The following PCDH15 variants were observed in gnomAD, a reference collection of about 807,000 sequenced individuals.
PCDH15 encodes the protein protocadherin related 15.
A neutral mutation model predicts 178.5 loss-of-function variants in PCDH15; 129 were observed. The ratio of observed to expected loss-of-function variants is 0.72; its 90% CI spans 0.63 to 0.84. The LOEUF is 0.84. Ranked by LOEUF, PCDH15 falls within the 40% of genes least tolerant of loss-of-function variation. The pLI is 0.00. For missense variants in PCDH15, 2,230 were observed against 2,099.9 expected (o/e 1.06, Z -1.21); for synonymous variants, 800 against 732.0 (o/e 1.09, Z -1.50).
intron 26 of PCDH15, among the ~76,000 whole-genome samples, chr10:53,867,243 G>C (rs974621180): frequency 6.6e-6 from 1 of 151,846 alleles, no homozygotes; most frequent in Non-Finnish European, 1.5e-5. Flanking sequence ...ACATGTATGT[G>C]GCATTTAACT....
intron 1 of PCDH15, among the ~76,000 whole-genome samples, chr10:54,764,021 TC>T (rs1452400255): frequency 1.3e-5 from 2 of 151,878 alleles, no homozygotes; most frequent in African/African-American, 4.8e-5. Flanking sequence ...AAGAAAAAGA[TC>T]TTTTACCATG....
chr10:53,823,007 C>T lies in PCDH15; in HGVS notation c.4368-2777G>A, dbSNP rs529962978. ...TGGGTAAGCTGACTGACTGACTCCA[C>T]AGCCTCTGAATCTTTTCTCTTGGGC... On this transcript the variant is annotated intron_variant, in intron 32 of 37. Transcript: ENST00000644397. 1.7e-4 allele frequency: 273 copies of T among 1,614,050 alleles called. 4 individuals are homozygous for T. In the South Asian group the frequency reaches 2.9e-3, roughly 17 times the overall value.
chr10:53,998,921 G>A (rs952775909), intron 20 of PCDH15, among the ~76,000 whole-genome samples: 2 of 151,672 alleles, frequency 1.3e-5, no homozygotes, highest in African/African-American at 2.4e-5. Context: ...GCATGGTGGC[G>A]GGCACCTGTA....
At chr10:55,590,389 C>T (rs1842821337) in intron 2 of PCDH15, among the ~76,000 whole-genome samples, 1 of 151,278 alleles carries the variant, frequency 6.6e-6, no homozygotes, top group African/African-American at 2.4e-5. Flanking sequence ...GTGCAGCACA[C>T]CAGCATGGCA....
chr10:54,565,646 C>T (rs1170336288), intron 2 of PCDH15, among the ~76,000 whole-genome samples: 2 of 152,086 alleles, frequency 1.3e-5, no homozygotes, highest in Non-Finnish European at 2.9e-5. Context: ...ATATTTTATT[C>T]CTTGTTTGGG....
chr10:53,969,274 T>G (rs2089403581), intron 21 of PCDH15, among the ~76,000 whole-genome samples: 1 of 152,026 alleles, frequency 6.6e-6, no homozygotes, highest in African/African-American at 2.4e-5. Context: ...GAAGATCAAA[T>G]GAATGAAATG....
At chr10:54,580,314 G>A (rs2090919752) in intron 2 of PCDH15, among the ~76,000 whole-genome samples, 1 of 151,962 alleles carries the variant, frequency 6.6e-6, no homozygotes, top group Non-Finnish European at 1.5e-5. Context: ...AAACCGAAAA[G>A]ATCCTGAGAA....
intron 3 of PCDH15, among the ~76,000 whole-genome samples, chr10:54,846,042 A>G (rs1363166656): frequency 1.3e-5 from 2 of 152,138 alleles, no homozygotes; most frequent in East Asian, 3.8e-4. Flanking sequence ...TTCTTATACT[A>G]ATTACTTACC....
At chr10:54,815,806 C>G (rs1212047245) in intron 3 of PCDH15, among the ~76,000 whole-genome samples, 1 of 152,068 alleles carries the variant, frequency 6.6e-6, no homozygotes, top group Non-Finnish European at 1.5e-5. Context: ...ATTCATCTTG[C>G]AAACAGATGA....
chr10:54,863,774 G>A (rs920110166), intron 3 of PCDH15, among the ~76,000 whole-genome samples: 40 of 152,130 alleles, frequency 2.6e-4, no homozygotes, highest in African/African-American at 7.2e-4. Flanking sequence ...GGTTAAAGTT[G>A]ATATTAAACC....
At chr10:53,815,681 T>A (rs931157569) in intron 35 of PCDH15, among the ~76,000 whole-genome samples, 44 of 152,024 alleles carry the variant, frequency 2.9e-4, no homozygotes, top group Middle Eastern at 3.4e-3. Flanking sequence ...AAGTAGGATG[T>A]CTGTGTTTTT....
intron 9 of PCDH15, among the ~76,000 whole-genome samples, chr10:54,227,729 C>A (rs2053607530): frequency 6.6e-6 from 1 of 152,142 alleles, no homozygotes; most frequent in Admixed American, 6.5e-5. Flanking sequence ...AACTGAATGC[C>A]TTTAACAGCA....
chr10:53,878,583 C>T (rs2080458921), intron 26 of PCDH15, among the ~76,000 whole-genome samples: 1 of 149,212 alleles, frequency 6.7e-6, no homozygotes, highest in African/African-American at 2.5e-5. Context: ...TAAATGACCC[C>T]TTTTCTGAAG....
chr10:54,584,016 A>T (rs763649495), intron 2 of PCDH15, among the ~76,000 whole-genome samples: 1 of 152,132 alleles, frequency 6.6e-6, no homozygotes, highest in Non-Finnish European at 1.5e-5. Context: ...AACAATAAAG[A>T]TACACATGCT....
intron 10 of PCDH15, among the ~76,000 whole-genome samples, chr10:54,206,738 G>C (rs1427126212): frequency 6.6e-6 from 1 of 151,912 alleles, no homozygotes; most frequent in Non-Finnish European, 1.5e-5. Flanking sequence ...GACCGTTCTT[G>C]AGACAAAAAA....
intron 3 of PCDH15, among the ~76,000 whole-genome samples, chr10:54,454,343 T>G (rs879561641): frequency 5.2e-4 from 78 of 149,682 alleles, no homozygotes; most frequent in Non-Finnish European, 8.9e-4. Context: ...AAAGAATTAC[T>G]GTGGGCAATT....
intron 13 of PCDH15, among the ~76,000 whole-genome samples, chr10:54,181,725 A>G (rs972683259): frequency 1.3e-5 from 2 of 152,180 alleles, no homozygotes; most frequent in African/African-American, 4.8e-5. Flanking sequence ...GACAAGTACC[A>G]TACCAATATA....
chr10:53,889,327 G>A (rs1156473361), intron 26 of PCDH15, among the ~76,000 whole-genome samples: 1 of 152,052 alleles, frequency 6.6e-6, no homozygotes, highest in Non-Finnish European at 1.5e-5. Flanking sequence ...ATGCAATCCA[G>A]AGTATATAAA....
intron 2 of PCDH15, among the ~76,000 whole-genome samples, chr10:54,948,778 G>A (rs562820890): frequency 9.2e-5 from 14 of 151,756 alleles, no homozygotes; most frequent in Non-Finnish European, 1.5e-4. Context: ...TATGTTTATC[G>A]AGAGAACCTT....
Sources: allele counts gnomAD v4.1 joint callset (sites outside exome capture counted in the v4.1 genomes callset), GRCh38; gene constraint gnomAD v4.1.1; transcripts MANE v1.5; gene names NCBI Gene and HGNC (gene_info 2026-07-23, HGNC 2026-07-21).